SRA1: variants seen among roughly 807,000 people sequenced by gnomAD.
SRA1 encodes lncRNA SRA.
Under a neutral mutation model 24.3 loss-of-function variants are expected in SRA1, and 25 were observed. The ratio of observed to expected loss-of-function variants is 1.03; its 90% CI spans 0.75 to 1.43. The LOEUF is 1.43. Ranked by LOEUF, SRA1 falls within the 40% of genes most tolerant of loss-of-function variation. The pLI is 0.00. For synonymous variants in SRA1, 104 were observed against 109.5 expected, an observed-to-expected ratio of 0.95 and a Z score of 0.31; for missense variants, 303 against 286.6, an observed-to-expected ratio of 1.06 and a Z score of -0.41.
In SRA1 at chr5:140,550,582, C is replaced by G; in HGVS notation, c.*118G>C. ...CCCTCTGGCCCAGGTGGGACTTCTT[C>G]CCTCATAGGTGGGTCAGGCCCAGTG... On this transcript the variant is annotated 3_prime_UTR_variant, in exon 5 of 5. Transcript: ENST00000336283. 1.1e-6 allele frequency: 1 copy of G among 905,158 alleles called. No individual in the cohort carries two copies. The highest frequency in any genetic ancestry group is 1.5e-5 in the South Asian group (1 of 67,342). The allele number at this position is 905,158 out of a possible 1,614,324, so 56.1% of individuals were successfully genotyped here.
At chr5:140,557,116 G>T (rs749719196) in intron 2 of SRA1, 31 bp downstream of exon 2, 16 of 1,309,936 alleles carry the variant, frequency 1.2e-5, no homozygotes, top group Non-Finnish European at 1.6e-5. Context: ...CCCATTCTCC[G>T]TCTGTCTCCG....
intron 2 of SRA1, among the ~76,000 whole-genome samples, chr5:140,555,771 C>T (rs1158812581): frequency 5.3e-5 from 8 of 151,926 alleles, no homozygotes; most frequent in Admixed American, 1.3e-4. Context: ...CCACCATCCC[C>T]AGTCTTCCTA....
chr5:140,557,614 TC>T, upstream of SRA1: 1 of 750,558 alleles, frequency 1.3e-6, no homozygotes. Context: ...CTGCGGCAAC[TC>T]CCTAAGACTC....
chr5:140,557,278 G>T lies in SRA1; in HGVS notation c.26-6C>A. 6.2e-7 allele frequency: 1 copy of T among 1,610,462 alleles called. No homozygotes were observed. Among genetic ancestry groups the T allele is most frequent in the Non-Finnish European group, 8.5e-7 (1 of 1,179,920 alleles). On this transcript the variant is annotated splice_polypyrimidine_tract_variant and splice_region_variant and intron_variant, in intron 1 of 4. Transcript: ENST00000336283. The stretch of plus-strand genomic sequence containing the variant: ...CCAGCCGCGTTCCTTGTTGCCTGCG[G>T]AGGCGAGGGATGTGTGAAGCGAGCC...
At chr5:140,555,424 C>T (rs1037447926) in intron 2 of SRA1, among the ~76,000 whole-genome samples, 21 of 151,232 alleles carry the variant, frequency 1.4e-4, no homozygotes, top group African/African-American at 4.6e-4. Context: ...GTAGAGACAG[C>T]GTTTCGCCAT....
intron 2 of SRA1, among the ~76,000 whole-genome samples, chr5:140,552,494 A>C (rs1487742983): frequency 6.6e-6 from 1 of 152,094 alleles, no homozygotes; most frequent in African/African-American, 2.4e-5. Context: ...CTCTACTAAA[A>C]ATACAAAAAT....
chr5:140,553,804 G>A (rs1219604853), intron 2 of SRA1, among the ~76,000 whole-genome samples: 4 of 152,182 alleles, frequency 2.6e-5, no homozygotes, highest in Non-Finnish European at 2.9e-5. Flanking sequence ...AAGAGTAGAC[G>A]AGGGGAATGG....
chr5:140,551,257 G>T, intron 3 of SRA1, 88 bp from the exon 4 acceptor site: 1 of 953,612 alleles, frequency 1.0e-6, no homozygotes, highest in South Asian at 1.4e-5. Flanking sequence ...GGAAGCACCT[G>T]CTTTCTCTGG....
chr5:140,557,617 C>A (rs183726151), upstream of SRA1: 68 of 753,154 alleles, frequency 9.0e-5, no homozygotes, highest in African/African-American at 9.9e-4. Flanking sequence ...CGGCAACTCC[C>A]TAAGACTCGA....
chr5:140,550,532 G>T lies in SRA1; in HGVS notation c.*168C>A. 4.6e-6 allele frequency: 3 copies of T among 655,738 alleles called. No homozygotes were observed. The highest frequency in any genetic ancestry group is 8.2e-6 in the Non-Finnish European group (3 of 367,358). The allele number at this position is 655,738 out of a possible 1,614,324, so 40.6% of individuals were successfully genotyped here. A position where few individuals can be genotyped will look rare whatever the true frequency, so the allele number is the denominator to read the frequency against. On this transcript the variant is annotated 3_prime_UTR_variant, in exon 5 of 5. Transcript: ENST00000336283. ...ACCGCAGAGATGTTTTTATTGAAATGCATGTTATGAGTAACACATGAACTC... is the reference window on the plus strand; with the variant it reads ...ACCGCAGAGATGTTTTTATTGAAATTCATGTTATGAGTAACACATGAACTC...
intron 2 of SRA1, 39 bp downstream of exon 2, chr5:140,557,108 C>CCCAA: frequency 9.7e-7 from 1 of 1,034,678 alleles, no homozygotes; most frequent in Non-Finnish European, 1.4e-6. Context: ...CCCCCCCCCC[C>CCCAA]ATTCTCCGTC....
Position 140,557,444 on chromosome 5 carries a change from C to T in SRA1, c.9G>A (p.Glu3=), listed in dbSNP as rs749961216. The change falls in exon 1 of 5, where the codon GAG becomes GAA. Residue 3 remains glutamate, a synonymous_variant. Transcript: ENST00000336283. ...TGCGCTCACCCGGCTTCACGTACAG[C>T]TCCGCCATCTCCACTTCCGCTTGGC... MA[E]LYVKPGNKER... The T allele has an allele frequency of 1.3e-6, 2 of 1,562,268 alleles. No individual in the cohort carries two copies. The highest frequency in any genetic ancestry group is 2.4e-5 in the East Asian group (1 of 41,676).
intron 3 of SRA1, chr5:140,551,385 T>C (rs1413688537): frequency 3.9e-6 from 2 of 513,622 alleles, no homozygotes; most frequent in East Asian, 3.1e-5. Context: ...CATTGAAAAG[T>C]AGAGGTCATT....
rs748235120 is a variant in SRA1 at position 140,557,426 on chromosome 5, A to C, written c.25+2T>G. 2 of 1,571,478 alleles carry C rather than the reference A, an allele frequency of 1.3e-6. No homozygotes were observed. The highest frequency in any genetic ancestry group is 1.1e-5 in the South Asian group (1 of 87,738). Reference sequence around the variant, plus strand: ...GTGCCCTAGCCCGCCGGCTGCGCTCACCCGGCTTCACGTACAGCTCCGCCA... The same window carrying C: ...GTGCCCTAGCCCGCCGGCTGCGCTCCCCCGGCTTCACGTACAGCTCCGCCA... On this transcript the variant is annotated splice_donor_variant, in intron 1 of 4. Coordinates refer to ENST00000336283, the MANE Select transcript of SRA1 (RefSeq NM_001035235.4). LOFTEE classifies it high-confidence loss of function.
chr5:140,553,622 C>A (rs1754620434), intron 2 of SRA1, among the ~76,000 whole-genome samples: 1 of 152,146 alleles, frequency 6.6e-6, no homozygotes, highest in African/African-American at 2.4e-5. Context: ...GTCAATGGTA[C>A]TGGGAAGCCA....
intron 2 of SRA1, among the ~76,000 whole-genome samples, chr5:140,556,605 C>G (rs562473163): frequency 6.6e-6 from 1 of 152,288 alleles, no homozygotes; most frequent in East Asian, 1.9e-4. Context: ...CTGTAGCACC[C>G]TCACCACTAT....
intron 2 of SRA1, among the ~76,000 whole-genome samples, chr5:140,553,018 CT>C (rs750647983): frequency 6.6e-6 from 1 of 152,168 alleles, no homozygotes; most frequent in Non-Finnish European, 1.5e-5. Context: ...CCTATCTAGA[CT>C]AAGTGTTCAA....
intron 2 of SRA1, among the ~76,000 whole-genome samples, chr5:140,556,863 AAAG>A (rs1561862723): frequency 1.3e-5 from 2 of 152,202 alleles, no homozygotes. Context: ...ATAGGTTAAC[AAAG>A]AAAAATAACT....
chr5:140,551,996 G>T lies in SRA1; in HGVS notation c.340C>A (p.Arg114Ser), dbSNP rs534756299. ...RPLEQALEDC[R>S]GHTRKQVCDD... ...CCAGAGCTTACCCTTGTGTGGCCAC[G>T]GCAGTCTTCCAATGCCTGTTCCAAA... Residue 114 changes from arginine (R) to serine (S), a missense_variant, in exon 3 of 5, where the codon CGT becomes AGT. Transcript: ENST00000336283. 6.2e-7 allele frequency: 1 copy of T among 1,613,898 alleles called. No individual in the cohort carries two copies.
Sources: gnomAD v4.1 joint callset for allele counts (sites outside exome capture counted in the v4.1 genomes callset) on GRCh38, gnomAD v4.1.1 for gene constraint, MANE v1.5 for transcripts, NCBI Gene and HGNC (gene_info 2026-07-23, HGNC 2026-07-21) for gene names.